RORA: variants seen among roughly 807,000 people sequenced by gnomAD.
The protein encoded by RORA is RAR related orphan receptor A.
A neutral mutation model predicts 69.5 loss-of-function variants in RORA; 7 were observed. The ratio of observed to expected loss-of-function variants is 0.10; its 90% CI spans 0.06 to 0.19. RORA has a LOEUF of 0.19. RORA is among the 10% of genes least tolerant of loss of function. RORA has a pLI of 1.00. For missense variants in RORA, 457 were observed against 663.0 expected (o/e 0.69, Z 3.41); for synonymous variants, 261 against 240.8 (o/e 1.08, Z -0.78).
chr15:60,889,359 G>C (rs1378832791), intron 1 of RORA, among the ~76,000 whole-genome samples: 6 of 121,674 alleles, frequency 4.9e-5, no homozygotes, highest in Non-Finnish European at 1.0e-4. Flanking sequence ...GCGGGGGGGG[G>C]GGGAAGGAAA....
intron 1 of RORA, among the ~76,000 whole-genome samples, chr15:61,149,532 C>A (rs2079380265): frequency 6.6e-6 from 1 of 152,136 alleles, no homozygotes; most frequent in South Asian, 2.1e-4. Flanking sequence ...CTATCTCCCT[C>A]CAGAAAGGAT....
At chr15:60,779,592 C>A (rs1963497) in intron 1 of RORA, among the ~76,000 whole-genome samples, 31,631 of 152,132 alleles carry the variant, frequency 0.21, 3,382 homozygotes, top group South Asian at 0.28. Flanking sequence ...GGTTAACAGG[C>A]CAACACATCT....
Position 60,826,529 on chromosome 15 carries a change from C to A in RORA, c.167-147843G>T, listed in dbSNP as rs540672197. Among the ~76,000 whole-genome samples, 6 of 152,152 alleles carry A rather than the reference C, an allele frequency of 3.9e-5. No homozygotes were observed. The East Asian group carries it at 7.7e-4, about 20-fold the overall frequency. ...TGCTGAGTCCTGCACCAGTTCTAGG[C>A]GCTACACTTTTTTTAAGCACTTGAT... is the stretch of plus-strand genomic sequence containing the variant. On this transcript the variant is annotated intron_variant, in intron 1 of 10. Transcript: ENST00000335670.
At position 61,156,772 on chromosome 15, in the gene RORA, G is replaced by T. The variant is rs138245357; in HGVS notation, c.166+72281C>A. Among the ~76,000 whole-genome samples the T allele has an allele frequency of 1.7e-4, 26 of 152,312 alleles. No individual in the cohort carries two copies. In the East Asian group the frequency reaches 4.2e-3, roughly 25 times the overall value. On this transcript the variant is annotated intron_variant, in intron 1 of 10. Coordinates refer to ENST00000335670, the MANE Select transcript of RORA (RefSeq NM_134261.3). ...GATGTTAAATCTGAGGTGAAAAGAG[G>T]TTAATAAATTTGTCAAAGTCACACT... is the stretch of plus-strand genomic sequence containing the variant.
intron 1 of RORA, among the ~76,000 whole-genome samples, chr15:61,015,591 T>A (rs1235555510): frequency 6.6e-6 from 1 of 152,214 alleles, no homozygotes; most frequent in Non-Finnish European, 1.5e-5. Flanking sequence ...GACGCTGTAT[T>A]GAGAAGCGTA....
intron 1 of RORA, among the ~76,000 whole-genome samples, chr15:61,054,826 G>GTT (rs66846535): frequency 6.1e-4 from 82 of 134,640 alleles, no homozygotes; most frequent in East Asian, 3.2e-3. Flanking sequence ...TTTGTTTTTT[G>GTT]TTTTTTTTTT....
At chr15:60,775,859 C>G (rs186914370) in intron 1 of RORA, among the ~76,000 whole-genome samples, 8 of 152,328 alleles carry the variant, frequency 5.3e-5, no homozygotes, top group Admixed American at 3.3e-4. Context: ...AGCACCCCGT[C>G]CTTTCATGGC....
At position 61,064,968 on chromosome 15, in the gene RORA, A is replaced by G. The variant is rs141851569; in HGVS notation, c.166+164085T>C. ...CTCCCAGCAACAGAGACTAACATCA[A>G]TCACTAAGTGTTCCCAGTACATCAA... On this transcript the variant is annotated intron_variant, in intron 1 of 10. Coordinates refer to ENST00000335670, the MANE Select transcript of RORA (RefSeq NM_134261.3). Among the ~76,000 whole-genome samples the G allele has an allele frequency of 4.1e-4, 63 of 152,316 alleles. No individual in the cohort carries two copies. The East Asian group carries it at 7.9e-3, about 19-fold the overall frequency.
chr15:60,608,633 G>A (rs918473882), intron 2 of RORA, among the ~76,000 whole-genome samples: 2 of 152,206 alleles, frequency 1.3e-5, no homozygotes, highest in African/African-American at 4.8e-5. Context: ...TGTAAGGAAA[G>A]TTTTCCATGG....
chr15:61,038,193 G>A (rs112862234), intron 1 of RORA, among the ~76,000 whole-genome samples: 25 of 152,214 alleles, frequency 1.6e-4, no homozygotes, highest in African/African-American at 4.6e-4. Flanking sequence ...GCAAGTTATC[G>A]AACGTATTAT....
At chr15:60,890,590 G>T (rs992389028) in intron 1 of RORA, among the ~76,000 whole-genome samples, 2 of 152,230 alleles carry the variant, frequency 1.3e-5, no homozygotes, top group African/African-American at 4.8e-5. Flanking sequence ...AGGGACCAGA[G>T]AGAGCAGTGG....
At chr15:61,186,308 C>G (rs1275518505) in intron 1 of RORA, among the ~76,000 whole-genome samples, 2 of 152,114 alleles carry the variant, frequency 1.3e-5, no homozygotes, top group Non-Finnish European at 2.9e-5. Context: ...TTCTAAGACC[C>G]TGATGTGCAT....
intron 2 of RORA, among the ~76,000 whole-genome samples, chr15:60,622,641 G>T (rs74686246): frequency 0.011 from 1,650 of 152,236 alleles, 12 homozygotes; most frequent in Non-Finnish European, 0.017. Flanking sequence ...CAAACAGAAA[G>T]AAATACAATA....
At chr15:61,059,578 AG>A (rs2078142132) in intron 1 of RORA, among the ~76,000 whole-genome samples, 1 of 152,190 alleles carries the variant, frequency 6.6e-6, no homozygotes, top group Non-Finnish European at 1.5e-5. Context: ...ATCTGCTTTG[AG>A]ATACGTTATT....
chr15:60,989,936 C>T lies in RORA; in HGVS notation c.166+239117G>A, dbSNP rs72475927. On this transcript the variant is annotated intron_variant, in intron 1 of 10. Coordinates refer to ENST00000335670, the MANE Select transcript of RORA (RefSeq NM_134261.3). ...GAAAAGTAGTCCATTCACAGGTCCA[C>T]CCACTATACTTAGAACTTCTTTGGC... is the stretch of plus-strand genomic sequence containing the variant. Among the ~76,000 whole-genome samples the T allele has an allele frequency of 4.1e-4, 63 of 151,838 alleles. No individual in the cohort carries two copies. In the East Asian group the frequency reaches 9.7e-3, roughly 23 times the overall value.
chr15:60,491,256 A>C lies in RORA; in HGVS notation c.*6199T>G, dbSNP rs1262746435. 1.3e-5 allele frequency: 2 copies of C among 152,186 alleles called. No individual in the cohort carries two copies. The highest frequency in any genetic ancestry group is 1.3e-4 in the Admixed American group (2 of 15,280). 9.4% of individuals were successfully genotyped at this position (152,186 alleles called of 1,614,324 possible). A position where few individuals can be genotyped will look rare whatever the true frequency, so the allele number is the denominator to read the frequency against. ...ATTAAAGTAATAATGATGAAAAAGG[A>C]ATCACACATGAACACTGGAGAGAAT... On this transcript the variant is annotated 3_prime_UTR_variant, in exon 11 of 11. Coordinates refer to ENST00000335670, the MANE Select transcript of RORA (RefSeq NM_134261.3).
At chr15:61,112,094 C>T (rs2079011532) in intron 1 of RORA, among the ~76,000 whole-genome samples, 3 of 152,090 alleles carry the variant, frequency 2.0e-5, no homozygotes, top group Admixed American at 6.6e-5. Context: ...GAACTGCTGC[C>T]GGTCCTCAAA....
At chr15:60,976,431 G>A (rs2140356153) in intron 1 of RORA, among the ~76,000 whole-genome samples, 1 of 152,224 alleles carries the variant, frequency 6.6e-6, no homozygotes, top group South Asian at 2.1e-4. Flanking sequence ...GTGTCTTTAG[G>A]CAAATGCAGA....
At chr15:60,526,213 T>G (rs1050555900) in intron 3 of RORA, among the ~76,000 whole-genome samples, 1 of 152,246 alleles carries the variant, frequency 6.6e-6, no homozygotes, top group African/African-American at 2.4e-5. Flanking sequence ...CTGGCCTCCC[T>G]GTAGAATTGT....
Sources: allele counts gnomAD v4.1 joint callset (sites outside exome capture counted in the v4.1 genomes callset), GRCh38; gene constraint gnomAD v4.1.1; transcripts MANE v1.5; gene names NCBI Gene and HGNC (gene_info 2026-07-23, HGNC 2026-07-21).